Variants in MYPN observed in about 807,000 individuals in gnomAD.
MYPN encodes the protein myopalladin.
In MYPN, 63 loss-of-function variants were observed where a neutral mutation model predicts 129.4. The observed-to-expected ratio is 0.49, with a 90% CI of 0.40 to 0.60. The LOEUF is 0.60. Ranked by LOEUF, MYPN falls within the 20% of genes least tolerant of loss-of-function variation. The pLI, the probability that MYPN is intolerant of heterozygous loss-of-function variation, is 0.00. For missense variants in MYPN, 1,596 were observed against 1,635.4 expected, an observed-to-expected ratio of 0.98 and a Z score of 0.42; for synonymous variants, 629 against 600.9, an observed-to-expected ratio of 1.05 and a Z score of -0.68.
At chr10:68,117,476 A>G (rs1263324458) in intron 1 of MYPN, among the ~76,000 whole-genome samples, 3 of 152,088 alleles carry the variant, frequency 2.0e-5, no homozygotes, top group African/African-American at 7.2e-5. Context: ...AACTCAGGGA[A>G]GAGAAGAAAT....
chr10:68,150,136 G>C, intron 6 of MYPN, 25 bp downstream of exon 6: 2 of 1,582,388 alleles, frequency 1.3e-6, no homozygotes. Context: ...ACTTCTTTCT[G>C]TCATGGCTTT....
At chr10:68,154,450 C>T (rs908656821) in intron 6 of MYPN, among the ~76,000 whole-genome samples, 22 of 152,214 alleles carry the variant, frequency 1.4e-4, no homozygotes, top group Admixed American at 5.2e-4. Context: ...CCTGAAATAA[C>T]TGGGCCGGTA....
chr10:68,123,728 T>A (rs183577725), intron 2 of MYPN, among the ~76,000 whole-genome samples: 106 of 145,396 alleles, frequency 7.3e-4, no homozygotes, highest in African/African-American at 2.4e-3. Flanking sequence ...TAAATAAGTA[T>A]AATTAAAAAT....
rs765006477 is a variant in MYPN, at chr10:68,121,741, T to C, written c.303T>C (p.Ser101=). ...AAACTCAAGCTAGAAAACGACTTTC[T>C]CCTGATCAGATGAAACACTCACCTA... The part of the protein sequence containing the change: ...ADETQARKRL[S]PDQMKHSPNL... Residue 101 remains serine, a synonymous_variant, in exon 2 of 20, where the codon TCT becomes TCC. Transcript: ENST00000358913. 4 of 1,614,170 alleles carry C rather than the reference T, an allele frequency of 2.5e-6. No individual in the cohort carries two copies.
chr10:68,113,009 A>G (rs2042102486), intron 1 of MYPN, among the ~76,000 whole-genome samples: 1 of 152,232 alleles, frequency 6.6e-6, no homozygotes, highest in African/African-American at 2.4e-5. Flanking sequence ...CTCTAGGGTG[A>G]TATCATTGGA....
chr10:68,182,456 T>TAAC (rs2043348430), intron 12 of MYPN, among the ~76,000 whole-genome samples: 8 of 116,810 alleles, frequency 6.8e-5, no homozygotes, highest in African/African-American at 2.7e-4. Flanking sequence ...ATATAACATA[T>TAAC]ATATATAACA....
rs200132334 is a variant in MYPN, at chr10:68,182,452, C to CATAT, written c.2704-6445_2704-6442dup. The stretch of plus-strand genomic sequence containing the variant: ...ACACATATATATAACATATATATAA[C>CATAT]ATATATATATAACATATATACACAC... On this transcript the variant is annotated intron_variant, in intron 12 of 19. Transcript: ENST00000358913. Among the ~76,000 whole-genome samples, 41 of 116,224 alleles carry CATAT rather than the reference C, an allele frequency of 3.5e-4. 1 individual carries two copies. Among genetic ancestry groups the CATAT allele is most frequent in the South Asian group, 1.1e-3 (4 of 3,688 alleles). 76.2% of individuals were successfully genotyped at this position (116,224 alleles called of 152,430 possible). A position where few individuals can be genotyped will look rare whatever the true frequency, so the allele number is the denominator to read the frequency against.
intron 5 of MYPN, 39 bp from the exon 6 acceptor site, chr10:68,150,001 T>C: frequency 6.5e-7 from 1 of 1,544,012 alleles, no homozygotes; most frequent in Non-Finnish European, 9.0e-7. Context: ...TCTAATAATA[T>C]TAGTAACAAT....
chr10:68,206,823 A>G lies in MYPN; in HGVS notation c.3713A>G (p.Lys1238Arg). The change falls in exon 19 of 20, where the codon AAA becomes AGA. Residue 1238 changes from lysine to arginine, a missense_variant. Lys to Arg is a conservative substitution (Grantham distance 26). Transcript: ENST00000358913. ...YACLLIQPAK[K>R]SDAGWYTLSA... ...TGCCTTCTCATTCAGCCAGCCAAGAAATCAGACGCTGGATGGTACACGTTG... is the reference window on the plus strand; with the variant it reads ...TGCCTTCTCATTCAGCCAGCCAAGAGATCAGACGCTGGATGGTACACGTTG... 6.2e-7 allele frequency: 1 copy of G among 1,614,208 alleles called. No individual in the cohort carries two copies. The highest frequency in any genetic ancestry group is 8.5e-7 in the Non-Finnish European group (1 of 1,180,028).
intron 12 of MYPN, among the ~76,000 whole-genome samples, chr10:68,182,558 G>A (rs1276495023): frequency 1.3e-5 from 2 of 150,412 alleles, no homozygotes; most frequent in Non-Finnish European, 3.0e-5. Flanking sequence ...CCAGGCTGGA[G>A]TGCAGTGGCA....
intron 1 of MYPN, among the ~76,000 whole-genome samples, chr10:68,112,631 T>C (rs1388010017): frequency 2.0e-5 from 3 of 152,222 alleles, no homozygotes; most frequent in Non-Finnish European, 4.4e-5. Context: ...TGCATTTGTC[T>C]GTATTTATCT....
chr10:68,150,793 G>A (rs2042756177), intron 6 of MYPN, among the ~76,000 whole-genome samples: 2 of 152,152 alleles, frequency 1.3e-5, no homozygotes, highest in African/African-American at 2.4e-5. Context: ...GCCAGTGAGT[G>A]TGAAGATGAA....
At chr10:68,165,243 A>G (rs1161843661) in intron 8 of MYPN, among the ~76,000 whole-genome samples, 1 of 152,248 alleles carries the variant, frequency 6.6e-6, no homozygotes, top group Non-Finnish European at 1.5e-5. Flanking sequence ...ACCTGAGGTC[A>G]GGAGTTTGAG....
chr10:68,210,309 C>A lies in MYPN; in HGVS notation c.3817C>A (p.Pro1273Thr). 1.1e-5 allele frequency: 18 copies of A among 1,613,836 alleles called. No homozygotes were observed. Among genetic ancestry groups the A allele is most frequent in the Non-Finnish European group, 1.5e-5 (18 of 1,180,040 alleles). Reference sequence around the variant, plus strand: ...AGCTCAGTGGCACCATCAGATCCCACCGCCCATGTCTGTCCGGCCCAGTGG... The same window carrying A: ...AGCTCAGTGGCACCATCAGATCCCAACGCCCATGTCTGTCCGGCCCAGTGG... ...IYAQWHHQIPPPMSVRPSGSR... is the reference protein window; with the variant it reads ...IYAQWHHQIPTPMSVRPSGSR... Residue 1273 changes from proline (P) to threonine (T), a missense_variant, in exon 20 of 20, where the codon CCG becomes ACG. Pro to Thr is a conservative substitution (Grantham distance 38, BLOSUM62 -1). Coordinates refer to ENST00000358913, the MANE Select transcript of MYPN (RefSeq NM_032578.4).
upstream of MYPN, among the ~76,000 whole-genome samples, chr10:68,101,741 C>A (rs1162950662): frequency 6.6e-6 from 1 of 151,992 alleles, no homozygotes; most frequent in South Asian, 2.1e-4. Context: ...TTAAAACTTA[C>A]TTCTGATAGC....
upstream of MYPN, among the ~76,000 whole-genome samples, chr10:68,108,208 A>G (rs1005065384): frequency 6.6e-6 from 1 of 152,188 alleles, no homozygotes; most frequent in Non-Finnish European, 1.5e-5. Flanking sequence ...AGTTATTTCA[A>G]TCTGAATTAT....
At chr10:68,207,695 C>T (rs144538333) in intron 19 of MYPN, among the ~76,000 whole-genome samples, 18 of 152,280 alleles carry the variant, frequency 1.2e-4, no homozygotes, top group African/African-American at 4.3e-4. Context: ...TGTAGGATGA[C>T]ACATAGGCTC....
rs779158355 is a variant in MYPN, at chr10:68,174,327, C to T, written c.2235C>T (p.Phe745=). Residue 745 remains phenylalanine, a synonymous_variant, in exon 11 of 20, where the codon TTC becomes TTT. Transcript: ENST00000358913. ...ATVAPSSSPV[F]TLSSTPQTIQ... ...TGGCCCCTTCCAGCTCTCCGGTGTT[C>T]ACTTTGAGCAGCACTCCTCAAACTA... 1.2e-6 allele frequency: 2 copies of T among 1,614,136 alleles called. No homozygotes were observed. The highest frequency in any genetic ancestry group is 2.2e-5 in the East Asian group (1 of 44,882).
At chr10:68,206,014 G>T (rs1057455841) in intron 18 of MYPN, among the ~76,000 whole-genome samples, 5 of 152,130 alleles carry the variant, frequency 3.3e-5, no homozygotes, top group Non-Finnish European at 7.3e-5. Context: ...AGCTCAGGAA[G>T]CCGTTGCTGT....
Sources: allele counts gnomAD v4.1 joint callset (sites outside exome capture counted in the v4.1 genomes callset), GRCh38; gene constraint gnomAD v4.1.1; transcripts MANE v1.5; gene names NCBI Gene and HGNC (gene_info 2026-07-23, HGNC 2026-07-21).